KCTD16: variants seen among roughly 807,000 people sequenced by gnomAD.
The protein encoded by KCTD16 is BTB/POZ domain-containing protein KCTD16.
Under a neutral mutation model 33.2 loss-of-function variants are expected in KCTD16, and 13 were observed. That is an observed-to-expected ratio of 0.39 (90% CI 0.25 to 0.62). The LOEUF (loss-of-function observed/expected upper bound fraction) is 0.62, where lower values mean the gene tolerates loss of function less well. Ranked by LOEUF, KCTD16 falls within the 20% of genes least tolerant of loss-of-function variation. The pLI is 0.50. For synonymous variants in KCTD16, 197 were observed against 195.3 expected (o/e 1.01, Z -0.07); for missense variants, 441 against 525.1 (o/e 0.84, Z 1.57).
Position 144,175,687 on chromosome 5 carries a change from AATTT to A in KCTD16, c.-327+1221_-327+1224del, listed in dbSNP as rs542143556. Among the ~76,000 whole-genome samples the A allele has an allele frequency of 2.7e-3, 418 of 152,336 alleles. 5 individuals carry two copies. Among genetic ancestry groups the A allele is most frequent in the African/African-American group, 9.2e-3 (384 of 41,574 alleles). Reference sequence around the variant, plus strand: ...TACTTACTTGCCATGGAGCTTCAGTAATTTATTTAAACTCTTTGTGCCTCACTTT... The same window carrying A: ...TACTTACTTGCCATGGAGCTTCAGTAATTTAAACTCTTTGTGCCTCACTTT... On this transcript the variant is annotated intron_variant, in intron 2 of 3. Coordinates refer to ENST00000512467, the MANE Select transcript of KCTD16 (RefSeq NM_020768.4).
At chr5:144,325,090 T>TA (rs1380011032) in intron 3 of KCTD16, among the ~76,000 whole-genome samples, 23 of 152,216 alleles carry the variant, frequency 1.5e-4, no homozygotes, top group African/African-American at 5.5e-4. Flanking sequence ...TAAAATAAAA[T>TA]AAAAAAGACT....
At chr5:144,386,070 G>A (rs1752317173) in intron 3 of KCTD16, among the ~76,000 whole-genome samples, 1 of 152,156 alleles carries the variant, frequency 6.6e-6, no homozygotes. Flanking sequence ...TTCCAGAAAT[G>A]TGTAAAGACA....
At chr5:144,232,270 T>C (rs1380598986) in intron 3 of KCTD16, among the ~76,000 whole-genome samples, 1 of 152,230 alleles carries the variant, frequency 6.6e-6, no homozygotes, top group African/African-American at 2.4e-5. Flanking sequence ...AAGATCACAA[T>C]ATTTTATTTG....
rs139866860 is a variant in KCTD16 at position 144,243,610 on chromosome 5, A to G, written c.832+36064A>G. 4.0e-3 allele frequency among the ~76,000 whole-genome samples: 612 copies of G among 152,194 alleles called. 3 individuals are homozygous for G. Among genetic ancestry groups the G allele is most frequent in the South Asian group, 0.018 (89 of 4,824 alleles). ...TCAGAGTAAAGTGAAGTCTAAGATG[A>G]TTTTCCTCCACAGAGGATTTATTTT... On this transcript the variant is annotated intron_variant, in intron 3 of 3. Transcript: ENST00000512467.
chr5:144,403,186 TC>T (rs1316725176), intron 3 of KCTD16, among the ~76,000 whole-genome samples: 1 of 152,194 alleles, frequency 6.6e-6, no homozygotes, highest in East Asian at 1.9e-4. Flanking sequence ...ATCTGAAAAG[TC>T]CCTTTTAACC....
At chr5:144,288,410 C>T (rs1755806475) in intron 3 of KCTD16, among the ~76,000 whole-genome samples, 1 of 152,120 alleles carries the variant, frequency 6.6e-6, no homozygotes, top group Non-Finnish European at 1.5e-5. Context: ...CATTGCTTGG[C>T]ACCCTGGGGA....
At chr5:144,375,858 T>C (rs1228614836) in intron 3 of KCTD16, among the ~76,000 whole-genome samples, 4 of 152,050 alleles carry the variant, frequency 2.6e-5, no homozygotes, top group African/African-American at 4.8e-5. Flanking sequence ...TTGCCCAGGC[T>C]GGAGTGCAGT....
intron 3 of KCTD16, among the ~76,000 whole-genome samples, chr5:144,355,508 C>G (rs1238728760): frequency 6.6e-6 from 1 of 152,138 alleles, no homozygotes; most frequent in African/African-American, 2.4e-5. Context: ...ACATGGTGGG[C>G]TAGCCTGAAG....
At chr5:144,469,529 G>A (rs1754423542) in intron 3 of KCTD16, among the ~76,000 whole-genome samples, 1 of 152,202 alleles carries the variant, frequency 6.6e-6, no homozygotes, top group African/African-American at 2.4e-5. Context: ...AAACAAAGAT[G>A]TGTAATTGAA....
chr5:144,256,599 C>T (rs1298530437), intron 3 of KCTD16, among the ~76,000 whole-genome samples: 1 of 150,192 alleles, frequency 6.7e-6, no homozygotes, highest in Non-Finnish European at 1.5e-5. Context: ...TCCAGAAAGT[C>T]CCCAAGGAGT....
At chr5:144,230,801 G>T (rs1754079652) in intron 3 of KCTD16, among the ~76,000 whole-genome samples, 1 of 152,164 alleles carries the variant, frequency 6.6e-6, no homozygotes, top group Non-Finnish European at 1.5e-5. Flanking sequence ...AATGATCAGG[G>T]ATATTGTCCC....
chr5:144,344,015 A>G (rs1246187663), intron 3 of KCTD16, among the ~76,000 whole-genome samples: 6 of 152,170 alleles, frequency 3.9e-5, no homozygotes, highest in Non-Finnish European at 7.3e-5. Flanking sequence ...ACAGAGATAT[A>G]GATCAATGGA....
intron 3 of KCTD16, among the ~76,000 whole-genome samples, chr5:144,423,734 T>C (rs1033454113): frequency 6.6e-6 from 1 of 152,158 alleles, no homozygotes; most frequent in Non-Finnish European, 1.5e-5. Flanking sequence ...GATTCTTAGT[T>C]AATTCTACAG....
intron 2 of KCTD16, among the ~76,000 whole-genome samples, chr5:144,179,574 A>G (rs1303937248): frequency 6.6e-6 from 1 of 152,250 alleles, no homozygotes; most frequent in African/African-American, 2.4e-5. Context: ...CTATTTGGGA[A>G]CAGGGATCCT....
chr5:144,374,821 T>A (rs1397020673), intron 3 of KCTD16, among the ~76,000 whole-genome samples: 1 of 152,152 alleles, frequency 6.6e-6, no homozygotes, highest in East Asian at 1.9e-4. Flanking sequence ...TACCACAACA[T>A]CTTTTCTCTG....
chr5:144,394,016 C>T (rs1374011645), intron 3 of KCTD16, among the ~76,000 whole-genome samples: 1 of 128,238 alleles, frequency 7.8e-6, no homozygotes, highest in African/African-American at 3.1e-5. Context: ...TGCACATGGT[C>T]GGGAACCCAA....
At chr5:144,348,306 G>T (rs1752857715) in intron 3 of KCTD16, among the ~76,000 whole-genome samples, 1 of 150,916 alleles carries the variant, frequency 6.6e-6, no homozygotes, top group South Asian at 2.1e-4. Flanking sequence ...GATATGGCTG[G>T]CCTTATTATT....
chr5:144,289,213 G>T (rs1755829685), intron 3 of KCTD16, among the ~76,000 whole-genome samples: 1 of 152,156 alleles, frequency 6.6e-6, no homozygotes, highest in Non-Finnish European at 1.5e-5. Context: ...TTTATGATTT[G>T]TTTCTTTCTC....
At chr5:144,292,222 A>G (rs1022138768) in intron 3 of KCTD16, among the ~76,000 whole-genome samples, 22 of 152,234 alleles carry the variant, frequency 1.4e-4, no homozygotes, top group Non-Finnish European at 2.8e-4. Flanking sequence ...TGTTCCTGCA[A>G]ACCCAGTTCA....
Sources: allele counts gnomAD v4.1 joint callset (sites outside exome capture counted in the v4.1 genomes callset), GRCh38; gene constraint gnomAD v4.1.1; transcripts MANE v1.5; gene names NCBI Gene and HGNC (gene_info 2026-07-23, HGNC 2026-07-21).